CSMD1: variants seen among roughly 807,000 people sequenced by gnomAD.
The protein encoded by CSMD1 is CUB and Sushi multiple domains 1, also known as CUB and sushi domain-containing protein 1.
In CSMD1, 213 loss-of-function variants were observed where a neutral mutation model predicts 417.5. That is an observed-to-expected ratio of 0.51 (90% CI 0.46 to 0.57). CSMD1 has a LOEUF of 0.57. CSMD1 is among the 20% of genes least tolerant of loss of function. CSMD1 has a pLI of 0.00. For missense variants in CSMD1, 6,923 were observed against 4,529.7 expected, an observed-to-expected ratio of 1.53 and a Z score of -15.17; for synonymous variants, 2,862 against 1,736.8, an observed-to-expected ratio of 1.65 and a Z score of -16.11.
chr8:4,067,219 C>T (rs189858521), intron 3 of CSMD1, among the ~76,000 whole-genome samples: 1 of 152,174 alleles, frequency 6.6e-6, no homozygotes, highest in African/African-American at 2.4e-5. Flanking sequence ...CATCTTTTTT[C>T]TACATGAAGT....
intron 3 of CSMD1, among the ~76,000 whole-genome samples, chr8:4,151,663 T>C (rs1796576356): frequency 1.3e-5 from 2 of 152,306 alleles, no homozygotes; most frequent in African/African-American, 2.4e-5. Flanking sequence ...TATTATTATG[T>C]CAACATTATA....
chr8:3,514,553 G>T (rs975331225), intron 10 of CSMD1, among the ~76,000 whole-genome samples: 1 of 152,134 alleles, frequency 6.6e-6, no homozygotes, highest in Admixed American at 6.5e-5. Context: ...TAAATAATAT[G>T]TTATAGTTGG....
chr8:4,725,124 T>A (rs893704738), intron 1 of CSMD1, among the ~76,000 whole-genome samples: 6 of 152,204 alleles, frequency 3.9e-5, no homozygotes, highest in Admixed American at 3.9e-4. Context: ...AAGGTATATA[T>A]GTTTTACACA....
At chr8:4,930,672 C>G (rs766795587) in intron 1 of CSMD1, among the ~76,000 whole-genome samples, 8 of 152,108 alleles carry the variant, frequency 5.3e-5, no homozygotes, top group African/African-American at 1.2e-4. Flanking sequence ...ATTTCCTACC[C>G]CAGGTATCAA....
intron 1 of CSMD1, among the ~76,000 whole-genome samples, chr8:4,908,610 C>T (rs1359498360): frequency 7.1e-6 from 1 of 140,164 alleles, no homozygotes; most frequent in African/African-American, 2.5e-5. Flanking sequence ...AGCAGTCAAG[C>T]TCCGAGTCTT....
At chr8:4,245,038 C>T (rs1017558165) in intron 3 of CSMD1, among the ~76,000 whole-genome samples, 1 of 152,136 alleles carries the variant, frequency 6.6e-6, no homozygotes, top group Non-Finnish European at 1.5e-5. Flanking sequence ...TATAAAACCA[C>T]CATTCATTAG....
chr8:4,695,411 G>T (rs1218034204), intron 1 of CSMD1, among the ~76,000 whole-genome samples: 1 of 152,196 alleles, frequency 6.6e-6, no homozygotes, highest in Non-Finnish European at 1.5e-5. Flanking sequence ...TTTGAAAATT[G>T]TAATTAGTCG....
chr8:3,786,291 G>C (rs969237344), intron 5 of CSMD1, among the ~76,000 whole-genome samples: 3 of 152,124 alleles, frequency 2.0e-5, no homozygotes, highest in African/African-American at 4.8e-5. Flanking sequence ...GGTTAGAAGA[G>C]ACCTGAGGGT....
At chr8:3,974,123 T>C (rs980349537) in intron 5 of CSMD1, among the ~76,000 whole-genome samples, 7 of 152,120 alleles carry the variant, frequency 4.6e-5, no homozygotes, top group South Asian at 2.1e-4. Context: ...ACCCACATAA[T>C]AGGTAGTTTT....
At chr8:3,349,895 AATAT>A (rs1284821433) in intron 21 of CSMD1, among the ~76,000 whole-genome samples, 2 of 92,618 alleles carry the variant, frequency 2.2e-5, no homozygotes, top group Non-Finnish European at 4.4e-5. Flanking sequence ...ATATATTTAT[AATAT>A]ATATTTATAT....
intron 6 of CSMD1, among the ~76,000 whole-genome samples, chr8:3,743,135 A>C (rs1028687689): frequency 6.6e-6 from 1 of 152,164 alleles, no homozygotes; most frequent in Non-Finnish European, 1.5e-5. Context: ...GCTCAGTGTC[A>C]TGAAGGTCTT....
At chr8:4,219,941 T>A (rs978576342) in intron 3 of CSMD1, among the ~76,000 whole-genome samples, 9 of 152,152 alleles carry the variant, frequency 5.9e-5, no homozygotes, top group African/African-American at 1.4e-4. Flanking sequence ...AGATAATTTT[T>A]TAAAAATTTT....
At chr8:3,544,395 A>G (rs1798570100) in intron 10 of CSMD1, among the ~76,000 whole-genome samples, 1 of 152,018 alleles carries the variant, frequency 6.6e-6, no homozygotes, top group South Asian at 2.1e-4. Context: ...TTTTCATCCT[A>G]TATACGAACA....
chr8:4,456,535 G>A (rs1034024377), intron 2 of CSMD1, among the ~76,000 whole-genome samples: 1 of 152,182 alleles, frequency 6.6e-6, no homozygotes, highest in South Asian at 2.1e-4. Flanking sequence ...TGGCACTTCA[G>A]TAGTGACACC....
intron 3 of CSMD1, among the ~76,000 whole-genome samples, chr8:4,190,772 T>C (rs955936557): frequency 1.3e-5 from 2 of 152,106 alleles, no homozygotes; most frequent in African/African-American, 4.8e-5. Context: ...ATGCGGCCAT[T>C]ATAAAATGAG....
At chr8:3,995,902 T>C (rs1275150588) in intron 5 of CSMD1, among the ~76,000 whole-genome samples, 1 of 152,180 alleles carries the variant, frequency 6.6e-6, no homozygotes, top group African/African-American at 2.4e-5. Context: ...CCAGCTTCCC[T>C]AGCAAATACA....
intron 6 of CSMD1, among the ~76,000 whole-genome samples, chr8:3,745,011 G>A (rs1796998184): frequency 6.6e-6 from 1 of 152,156 alleles, no homozygotes; most frequent in Admixed American, 6.5e-5. Flanking sequence ...AGGCTCTTAG[G>A]ATTCTCCGGG....
At chr8:4,026,780 A>C (rs189428471) in intron 4 of CSMD1, among the ~76,000 whole-genome samples, 2 of 152,368 alleles carry the variant, frequency 1.3e-5, no homozygotes, top group African/African-American at 2.4e-5. Flanking sequence ...TTTAGATTTA[A>C]GTTTGAAGTT....
intron 3 of CSMD1, among the ~76,000 whole-genome samples, chr8:4,402,899 C>A (rs1168463112): frequency 6.8e-6 from 1 of 147,686 alleles, no homozygotes; most frequent in East Asian, 2.0e-4. Context: ...GGCTCACTGC[C>A]AGCTCCGCCT....
Sources: allele counts gnomAD v4.1 joint callset (sites outside exome capture counted in the v4.1 genomes callset), GRCh38; gene constraint gnomAD v4.1.1; transcripts MANE v1.5; gene names NCBI Gene and HGNC (gene_info 2026-07-23, HGNC 2026-07-21).